Variants in CCDC62 observed in about 807,000 individuals in gnomAD.
CCDC62 encodes the protein coiled-coil domain-containing protein 62.
CCDC62 carries 72 observed loss-of-function variants against 80.8 expected under a neutral mutation model. The ratio of observed to expected loss-of-function variants is 0.89; its 90% CI spans 0.74 to 1.08. The LOEUF is 1.08. Among genes scored for constraint, CCDC62 ranks in the 50% least tolerant of loss-of-function variants. CCDC62 has a pLI of 0.00. For synonymous variants in CCDC62, 286 were observed against 296.5 expected, an observed-to-expected ratio of 0.96 and a Z score of 0.36; for missense variants, 704 against 809.4, an observed-to-expected ratio of 0.87 and a Z score of 1.58.
chr12:122,804,380 G>T (rs556622106), intron 9 of CCDC62, among the ~76,000 whole-genome samples: 28 of 152,268 alleles, frequency 1.8e-4, no homozygotes, highest in African/African-American at 6.5e-4. Flanking sequence ...CCAGCTACTC[G>T]GGAGGCTGAG....
Position 122,774,589 on chromosome 12 carries a change from G to A in CCDC62, c.-82G>A, listed in dbSNP as rs1245961318. The A allele has an allele frequency of 9.0e-6, 10 of 1,108,734 alleles. No homozygotes were observed. In the Admixed American group the frequency reaches 4.0e-4, roughly 44 times the overall value. The allele number at this position is 1,108,734 out of a possible 1,614,324, so 68.7% of individuals were successfully genotyped here. A position where few individuals can be genotyped will look rare whatever the true frequency, so the allele number is the denominator to read the frequency against. ...GCCCCGGGGCTCCGGGCTCGCCCCC[G>A]CCGCTCGGGGCAGGCGCGCCGATGG... On this transcript the variant is annotated 5_prime_UTR_variant, in exon 1 of 13. Coordinates refer to ENST00000253079, the MANE Select transcript of CCDC62 (RefSeq NM_201435.5).
At chr12:122,803,204 A>T (rs969137046) in intron 9 of CCDC62, among the ~76,000 whole-genome samples, 22 of 152,150 alleles carry the variant, frequency 1.4e-4, no homozygotes, top group African/African-American at 5.3e-4. Flanking sequence ...GTATATTTAC[A>T]TATCCGACCG....
At chr12:122,821,468 G>A (rs1430076631) in intron 11 of CCDC62, among the ~76,000 whole-genome samples, 3 of 152,126 alleles carry the variant, frequency 2.0e-5, no homozygotes, top group African/African-American at 7.2e-5. Context: ...ATTATTTTCT[G>A]AGACAGGGTG....
intron 1 of CCDC62, chr12:122,776,660 TTGAG>T (rs1879475037): frequency 1.3e-5 from 2 of 152,238 alleles, no homozygotes; most frequent in Non-Finnish European, 2.9e-5. Flanking sequence ...CCTTAATAGA[TTGAG>T]TATGTATAGA....
chr12:122,783,121 A>T (rs1566069122), intron 3 of CCDC62, among the ~76,000 whole-genome samples: 2 of 150,346 alleles, frequency 1.3e-5, no homozygotes, highest in African/African-American at 4.9e-5. Flanking sequence ...AAAAAGATGG[A>T]TTTTTTTGGT....
chr12:122,777,546 A>G lies in CCDC62; in HGVS notation c.92A>G (p.Gln31Arg), dbSNP rs1879548304. The G allele has an allele frequency of 6.2e-7, 1 of 1,614,064 alleles. No individual in the cohort carries two copies. Among genetic ancestry groups the G allele is most frequent in the Non-Finnish European group, 8.5e-7 (1 of 1,180,012 alleles). Residue 31 changes from glutamine (Q) to arginine (R), a missense_variant, in exon 2 of 13, where the codon CAG (glutamine) becomes CGG (arginine). By Grantham distance (43) the Gln-to-Arg change is conservative. Coordinates refer to ENST00000253079, the MANE Select transcript of CCDC62 (RefSeq NM_201435.5). ...STIEKQRKEL[Q>R]LLIGELKDRD... Reference sequence around the variant, plus strand: ...ATCGAGAAACAACGGAAGGAGCTGCAGTTGCTCATTGGAGAATTAAAAGAT... The same window carrying G: ...ATCGAGAAACAACGGAAGGAGCTGCGGTTGCTCATTGGAGAATTAAAAGAT...
intron 11 of CCDC62, among the ~76,000 whole-genome samples, chr12:122,816,631 G>A (rs1344600027): frequency 2.6e-5 from 4 of 152,136 alleles, no homozygotes; most frequent in African/African-American, 9.7e-5. Flanking sequence ...AACTCAGGAG[G>A]CTGAGGTAGG....
At chr12:122,784,588 T>C (rs985972183) in intron 3 of CCDC62, among the ~76,000 whole-genome samples, 6 of 152,058 alleles carry the variant, frequency 3.9e-5, no homozygotes, top group African/African-American at 1.4e-4. Flanking sequence ...CTTAGCACTT[T>C]GGGAGGCCAA....
At chr12:122,796,205 C>G (rs1261325316) in intron 6 of CCDC62, among the ~76,000 whole-genome samples, 1 of 151,812 alleles carries the variant, frequency 6.6e-6, no homozygotes, top group Non-Finnish European at 1.5e-5. Context: ...CACCGCCCCC[C>G]GACAACCCCA....
intron 4 of CCDC62, among the ~76,000 whole-genome samples, chr12:122,787,017 C>A (rs1020493363): frequency 2.0e-5 from 3 of 152,232 alleles, no homozygotes; most frequent in African/African-American, 2.4e-5. Context: ...TGTCTTTAGT[C>A]AAGTAGCAGA....
chr12:122,801,337 C>G lies in CCDC62; in HGVS notation c.1191C>G (p.Ser397=). The change falls in exon 9 of 13, where the codon TCC becomes TCG. Residue 397 remains serine (S), a synonymous_variant. Transcript: ENST00000253079. ...AGAAAAGTGTAATTACGCTGTCATC[C>G]ATATTCACCAAAGACTTAGTAGAGA... ...FGEKSVITLS[S]IFTKDLVEKH... 1 of 1,614,088 alleles carries G rather than the reference C, an allele frequency of 6.2e-7. No homozygotes were observed. The highest frequency in any genetic ancestry group is 1.1e-5 in the South Asian group (1 of 91,066).
chr12:122,823,272 C>G, intron 11 of CCDC62, 94 bp from the exon 12 acceptor site: 1 of 933,786 alleles, frequency 1.1e-6, no homozygotes, highest in South Asian at 1.3e-5. Flanking sequence ...CATCTAACAT[C>G]TCTTAAAGGC....
At chr12:122,815,992 A>G (rs879718646) in intron 11 of CCDC62, among the ~76,000 whole-genome samples, 9 of 152,142 alleles carry the variant, frequency 5.9e-5, no homozygotes, top group Non-Finnish European at 1.2e-4. Context: ...ATTTTGTTAG[A>G]TTCAGAGTTC....
At position 122,788,869 on chromosome 12, in the gene CCDC62, GA is replaced by G; in HGVS notation, c.614del (p.Lys205SerfsTer8). 1 of 1,610,752 alleles carries G rather than the reference GA, an allele frequency of 6.2e-7. No homozygotes were observed. Among genetic ancestry groups the G allele is most frequent in the Non-Finnish European group, 8.5e-7 (1 of 1,179,270 alleles). On this transcript the variant is annotated frameshift_variant, in exon 5 of 13. Transcript: ENST00000253079. LOFTEE classifies it high-confidence loss of function. The part of the protein sequence containing the change: ...AKMAETCIVK[E>X]KQDYKQKLKA... ...GATGGCGGAGACTTGTATTGTGAAA[GA>G]AAAGCAAGATTATAAGCAGAAATTG...
intron 4 of CCDC62, among the ~76,000 whole-genome samples, chr12:122,788,330 G>T (rs981530138): frequency 6.6e-6 from 1 of 152,170 alleles, no homozygotes; most frequent in Admixed American, 6.6e-5. Context: ...GGGAGGGAAT[G>T]ATGGGCCATT....
intron 6 of CCDC62, among the ~76,000 whole-genome samples, chr12:122,793,194 C>T (rs78935817): frequency 0.056 from 8,488 of 151,994 alleles, 412 homozygotes; most frequent in East Asian, 0.27. Context: ...TTACTGAAAG[C>T]GAAAAACAGA....
intron 9 of CCDC62, among the ~76,000 whole-genome samples, chr12:122,802,863 CA>C (rs2031389031): frequency 6.6e-6 from 1 of 151,768 alleles, no homozygotes. Context: ...TCCATCTCTA[CA>C]AAAAAAATTT....
At chr12:122,817,032 T>C (rs990448196) in intron 11 of CCDC62, among the ~76,000 whole-genome samples, 1 of 151,876 alleles carries the variant, frequency 6.6e-6, no homozygotes, top group Non-Finnish European at 1.5e-5. Context: ...AGTTTATTTT[T>C]ATTTTTAAAT....
At chr12:122,791,486 G>C (rs898838679) in intron 5 of CCDC62, among the ~76,000 whole-genome samples, 4 of 151,034 alleles carry the variant, frequency 2.6e-5, no homozygotes, top group African/African-American at 9.8e-5. Context: ...GTCTCACTCT[G>C]TTGTCCAGGT....
Sources: gnomAD v4.1 joint callset for allele counts (sites outside exome capture counted in the v4.1 genomes callset) on GRCh38, gnomAD v4.1.1 for gene constraint, MANE v1.5 for transcripts, NCBI Gene and HGNC (gene_info 2026-07-23, HGNC 2026-07-21) for gene names.